The following N4BP2L2 variants were observed in gnomAD, a reference collection of about 807,000 sequenced individuals.
N4BP2L2 encodes the protein NEDD4 binding protein 2 like 2, also known as NEDD4-binding protein 2-like 2.
N4BP2L2 carries 50 observed loss-of-function variants against 56.2 expected under a neutral mutation model. The ratio of observed to expected loss-of-function variants is 0.89; its 90% CI spans 0.71 to 1.13. The LOEUF is 1.13. Ranked by LOEUF, N4BP2L2 falls within the 50% of genes most tolerant of loss-of-function variation. N4BP2L2 has a pLI of 0.00. For synonymous variants in N4BP2L2, 203 were observed against 223.6 expected (o/e 0.91, Z 0.82); for missense variants, 689 against 693.8 (o/e 0.99, Z 0.08).
chr13:32,462,861 T>TAAAAAAAAAA (rs569068082), intron 6 of N4BP2L2, among the ~76,000 whole-genome samples: 16 of 51,110 alleles, frequency 3.1e-4, no homozygotes, highest in African/African-American at 8.5e-4. Flanking sequence ...CTGTCTTTAC[T>TAAAAAAAAAA]AAAAAAAAAA....
At chr13:32,519,160 T>C (rs1566164135) in intron 5 of N4BP2L2, among the ~76,000 whole-genome samples, 1 of 150,172 alleles carries the variant, frequency 6.7e-6, no homozygotes, top group Non-Finnish European at 1.5e-5. Context: ...TAAATCTGGC[T>C]GGGTGCAGTG....
In N4BP2L2 at chr13:32,521,482, AGAG is replaced by A. The variant is rs779903087; in HGVS notation, c.1474-36_1474-34del. On this transcript the variant is annotated intron_variant, in intron 4 of 5. Coordinates refer to ENST00000267068, the Ensembl canonical transcript of N4BP2L2. ...AAGGAAAGGAAGAAAACAAAAACCC[AGAG>A]AAGTACTTCTTAAAGTAAAAAGAAG... is the stretch of plus-strand genomic sequence containing the variant. The A allele has an allele frequency of 1.8e-4, 270 of 1,477,342 alleles. 1 individual carries two copies. The highest frequency in any genetic ancestry group is 2.5e-4 in the Non-Finnish European group (267 of 1,073,864). The allele number at this position is 1,477,342 out of a possible 1,614,324, so 91.5% of individuals were successfully genotyped here.
At chr13:32,497,436 G>A (rs1470708602) in intron 6 of N4BP2L2, among the ~76,000 whole-genome samples, 1 of 152,168 alleles carries the variant, frequency 6.6e-6, no homozygotes, top group African/African-American at 2.4e-5. Flanking sequence ...AAATGATCCA[G>A]CTGATTCTCT....
At chr13:32,483,072 G>A (rs745717217) in intron 6 of N4BP2L2, among the ~76,000 whole-genome samples, 13 of 152,172 alleles carry the variant, frequency 8.5e-5, no homozygotes, top group Admixed American at 2.0e-4. Flanking sequence ...TGAAGCAGTA[G>A]CCATTATATT....
intron 6 of N4BP2L2, among the ~76,000 whole-genome samples, chr13:32,493,811 T>C (rs1207101547): frequency 1.3e-5 from 2 of 152,248 alleles, no homozygotes; most frequent in Non-Finnish European, 2.9e-5. Flanking sequence ...ATTGATGAAC[T>C]ATTAAAAACT....
At chr13:32,523,019 G>A (rs1202743538) in intron 3 of N4BP2L2, 2 of 152,156 alleles carry the variant, frequency 1.3e-5, no homozygotes, top group Non-Finnish European at 2.9e-5. Flanking sequence ...TCCTCAAATT[G>A]TGAGTTGCTG....
chr13:32,482,886 T>C (rs2085072547), intron 6 of N4BP2L2, among the ~76,000 whole-genome samples: 1 of 152,256 alleles, frequency 6.6e-6, no homozygotes, highest in South Asian at 2.1e-4. Context: ...TATGACAATA[T>C]TACCTTTTGC....
At chr13:32,463,794 T>G (rs2080683898) in intron 6 of N4BP2L2, among the ~76,000 whole-genome samples, 2 of 151,336 alleles carry the variant, frequency 1.3e-5, no homozygotes, top group Non-Finnish European at 2.9e-5. Context: ...AAAAATACTG[T>G]GAACCATGAA....
chr13:32,530,073 AT>A (rs1178372086), intron 2 of N4BP2L2, among the ~76,000 whole-genome samples: 3 of 152,142 alleles, frequency 2.0e-5, no homozygotes, highest in Non-Finnish European at 2.9e-5. Flanking sequence ...TGACAATCAT[AT>A]TTTTTGTATC....
chr13:32,533,874 C>G (rs1325204520), intron 2 of N4BP2L2, among the ~76,000 whole-genome samples: 2 of 152,180 alleles, frequency 1.3e-5, no homozygotes, highest in Non-Finnish European at 2.9e-5. Flanking sequence ...GACTTTATAT[C>G]TAATTCCAAA....
intron 2 of N4BP2L2, among the ~76,000 whole-genome samples, chr13:32,533,489 CCA>C (rs1173942762): frequency 2.0e-5 from 3 of 151,500 alleles, no homozygotes; most frequent in Non-Finnish European, 4.4e-5. Context: ...ACACTCATTA[CCA>C]CATACCAAAC....
intron 6 of N4BP2L2, among the ~76,000 whole-genome samples, chr13:32,474,278 C>T (rs703228): frequency 0.62 from 93,195 of 151,378 alleles, 28,799 homozygotes; most frequent in Middle Eastern, 0.7. Context: ...TTATTATTAC[C>T]ATTATATTAT....
chr13:32,513,450 G>A (rs1398128934), exon 6 of N4BP2L2: 1 of 152,100 alleles, frequency 6.6e-6, no homozygotes, highest in Non-Finnish European at 1.5e-5. Context: ...TACATACAGG[G>A]AAGCCAACTG....
chr13:32,464,741 C>A (rs1300466052), intron 6 of N4BP2L2, among the ~76,000 whole-genome samples: 1 of 151,882 alleles, frequency 6.6e-6, no homozygotes, highest in African/African-American at 2.4e-5. Flanking sequence ...AAAAGTACAT[C>A]AAGAAATCCT....
chr13:32,473,371 A>G (rs1374666901), intron 6 of N4BP2L2, among the ~76,000 whole-genome samples: 2 of 152,196 alleles, frequency 1.3e-5, no homozygotes, highest in African/African-American at 4.8e-5. Context: ...ATTTTTAAAA[A>G]CAACCAAAGA....
chr13:32,443,351 T>C (rs1470491704), exon 7 of N4BP2L2: 1 of 1,614,042 alleles, frequency 6.2e-7, no homozygotes, highest in Non-Finnish European at 8.5e-7. Flanking sequence ...TGTTCACATA[T>C]AAACTTATGA....
chr13:32,503,172 C>CAAAA (rs35773755), intron 6 of N4BP2L2, among the ~76,000 whole-genome samples: 1,842 of 57,916 alleles, frequency 0.032, 119 homozygotes, highest in African/African-American at 0.073. Context: ...GACTCTGTAG[C>CAAAA]AAAAAAAAAA....
At chr13:32,436,500 T>C (rs1187721481) in intron 8 of N4BP2L2, 1 of 522,132 alleles carries the variant, frequency 1.9e-6, no homozygotes, top group Non-Finnish European at 3.3e-6. Context: ...ACTCCTAAAA[T>C]GACAAAAGAA....
chr13:32,536,503 A>C, exon 2 of N4BP2L2: 1 of 1,613,162 alleles, frequency 6.2e-7, no homozygotes, highest in Non-Finnish European at 8.5e-7. Context: ...TTTCTTTGTA[A>C]AACTGGAATA....
Sources: allele counts gnomAD v4.1 joint callset (sites outside exome capture counted in the v4.1 genomes callset), GRCh38; gene constraint gnomAD v4.1.1; transcripts MANE v1.5; gene names NCBI Gene and HGNC (gene_info 2026-07-23, HGNC 2026-07-21).